The following PRDM10 variants were observed in gnomAD, a reference collection of about 807,000 sequenced individuals.
PRDM10 encodes the protein PR domain zinc finger protein 10.
PRDM10 carries 65 observed loss-of-function variants against 133.1 expected under a neutral mutation model. The observed-to-expected ratio is 0.49, with a 90% CI of 0.40 to 0.60. The LOEUF is 0.60. PRDM10 is among the 20% of genes least tolerant of loss of function. PRDM10 has a pLI of 0.00. For missense variants in PRDM10, 1,137 were observed against 1,507.1 expected (o/e 0.75, Z 4.07); for synonymous variants, 582 against 580.4 (o/e 1.00, Z -0.04).
At chr11:130,000,839 G>T (rs752635991) in intron 1 of PRDM10, among the ~76,000 whole-genome samples, 14 of 152,172 alleles carry the variant, frequency 9.2e-5, no homozygotes, top group Non-Finnish European at 1.9e-4. Context: ...GAGCGCGGGG[G>T]CCCATGCCTG....
rs1014579591 is a variant in PRDM10 at position 129,945,455 on chromosome 11, G to T, written c.521-443C>A. ...GGGGAGGAACCCTGACAATACTATT[G>T]AATCAATTTTCTCAAAGGGAGTTAC... On this transcript the variant is annotated intron_variant, in intron 5 of 20. Coordinates refer to ENST00000360871, the MANE Select transcript of PRDM10 (RefSeq NM_199437.2). This position sits in a 1 kb window ranked among gnomAD's most constrained non-coding sequence, Gnocchi z 4.2. Among the ~76,000 whole-genome samples, 1 of 152,142 alleles carries T rather than the reference G, an allele frequency of 6.6e-6. No homozygotes were observed. The highest frequency in any genetic ancestry group is 1.5e-5 in the Non-Finnish European group (1 of 68,034).
chr11:129,954,642 A>T (rs1161168750), intron 4 of PRDM10, among the ~76,000 whole-genome samples: 1 of 151,760 alleles, frequency 6.6e-6, no homozygotes, highest in Non-Finnish European at 1.5e-5. Context: ...TTACAGTCAC[A>T]CTACCTGACA....
intron 13 of PRDM10, among the ~76,000 whole-genome samples, chr11:129,920,070 T>C (rs1272335235): frequency 2.6e-5 from 4 of 152,186 alleles, no homozygotes; most frequent in Non-Finnish European, 4.4e-5. Flanking sequence ...ATTGCCACTT[T>C]TTTTCTTTTC....
chr11:129,965,298 G>T (rs1318158987), intron 1 of PRDM10, among the ~76,000 whole-genome samples: 1 of 151,978 alleles, frequency 6.6e-6, no homozygotes, highest in East Asian at 1.9e-4. Flanking sequence ...CCCTGTACAT[G>T]AATATCTTTG....
At chr11:129,978,145 G>A (rs1169955363) in intron 1 of PRDM10, among the ~76,000 whole-genome samples, 1 of 152,084 alleles carries the variant, frequency 6.6e-6, no homozygotes, top group Non-Finnish European at 1.5e-5. Flanking sequence ...GAGGTCTGAA[G>A]ATAAAGATAA....
chr11:129,944,639 C>T, intron 6 of PRDM10, 132 bp downstream of exon 6: 1 of 1,324,534 alleles, frequency 7.5e-7, no homozygotes, highest in Non-Finnish European at 1.0e-6. Context: ...TCCATTTAAC[C>T]AAGTTAAGAT....
chr11:129,968,845 C>T (rs570681685), intron 1 of PRDM10, among the ~76,000 whole-genome samples: 1 of 152,254 alleles, frequency 6.6e-6, no homozygotes, highest in African/African-American at 2.4e-5. Context: ...GCTGATGCAC[C>T]CATCGACACT....
chr11:129,929,768 A>G (rs1950795472), intron 11 of PRDM10, among the ~76,000 whole-genome samples: 1 of 152,036 alleles, frequency 6.6e-6, no homozygotes, highest in African/African-American at 2.4e-5. Context: ...AAAAAAAAAA[A>G]AAAATCTAGC....
chr11:129,957,421 C>T (rs1184826664), intron 3 of PRDM10, among the ~76,000 whole-genome samples: 1 of 152,136 alleles, frequency 6.6e-6, no homozygotes, highest in Non-Finnish European at 1.5e-5. Context: ...CAGGTTCAAG[C>T]AATTCTCTGC....
intron 1 of PRDM10, among the ~76,000 whole-genome samples, chr11:129,988,743 C>T (rs1938565828): frequency 6.6e-6 from 1 of 152,106 alleles, no homozygotes; most frequent in African/African-American, 2.4e-5. Context: ...CATTCTCCTG[C>T]CTCAGCCTCC....
chr11:129,906,342 G>T (rs759475404), intron 19 of PRDM10, among the ~76,000 whole-genome samples: 2 of 152,138 alleles, frequency 1.3e-5, no homozygotes, highest in African/African-American at 4.8e-5. Context: ...GGCTATCGAG[G>T]CATGTGAGAA....
At chr11:129,950,111 C>A (rs1373618471) in intron 4 of PRDM10, among the ~76,000 whole-genome samples, 3 of 151,974 alleles carry the variant, frequency 2.0e-5, no homozygotes, top group Admixed American at 2.0e-4. Context: ...GTGGCACGTG[C>A]CTGTGGTCCC....
At chr11:129,981,893 T>C (rs555163598) in intron 1 of PRDM10, among the ~76,000 whole-genome samples, 1 of 151,558 alleles carries the variant, frequency 6.6e-6, no homozygotes, top group African/African-American at 2.4e-5. Context: ...CTAAATTCCA[T>C]CTCAAAAAAA....
At position 129,900,044 on chromosome 11, in the gene PRDM10, A is replaced by C. The variant is rs1949802845; in HGVS notation, c.*2269T>G. On this transcript the variant is annotated 3_prime_UTR_variant, in exon 21 of 21. Coordinates refer to ENST00000360871, the MANE Select transcript of PRDM10 (RefSeq NM_199437.2). ...GGTACAAATCAATGATAAAAACAAA[A>C]TCTACATCCAACCTACTCCAAAATA... 6.6e-6 allele frequency: 1 copy of C among 152,648 alleles called. No individual in the cohort carries two copies. Among genetic ancestry groups the C allele is most frequent in the African/African-American group, 2.4e-5 (1 of 41,460 alleles). The allele number at this position is 152,648 out of a possible 1,614,324, so 9.5% of individuals were successfully genotyped here.
chr11:129,939,870 T>C (rs1951151890), intron 7 of PRDM10, among the ~76,000 whole-genome samples: 2 of 152,144 alleles, frequency 1.3e-5, no homozygotes, highest in South Asian at 2.1e-4. Flanking sequence ...CACAGATGAG[T>C]TCAATCAAAT....
intron 10 of PRDM10, among the ~76,000 whole-genome samples, chr11:129,931,763 T>C (rs1054808771): frequency 6.6e-6 from 1 of 151,548 alleles, no homozygotes; most frequent in African/African-American, 2.4e-5. Flanking sequence ...AGAGACGGGG[T>C]TTCACCGTGT....
At chr11:129,944,729 C>T (rs1432295588) in intron 6 of PRDM10, 42 bp downstream of exon 6, 3 of 1,607,318 alleles carry the variant, frequency 1.9e-6, no homozygotes, top group Non-Finnish European at 2.5e-6. Flanking sequence ...CCTTCAAACA[C>T]TGGTAAAGGA....
intron 13 of PRDM10, among the ~76,000 whole-genome samples, chr11:129,920,388 G>A (rs1950488867): frequency 1.3e-5 from 2 of 152,106 alleles, no homozygotes; most frequent in African/African-American, 2.4e-5. Flanking sequence ...CTCTCAAGCT[G>A]CAAATCTCCA....
intron 1 of PRDM10, among the ~76,000 whole-genome samples, chr11:129,979,070 T>C (rs1937957944): frequency 2.0e-5 from 3 of 152,168 alleles, no homozygotes; most frequent in Admixed American, 6.5e-5. Flanking sequence ...CAGTGCGAGT[T>C]CTAAAGAATG....
Sources: allele counts gnomAD v4.1 joint callset (sites outside exome capture counted in the v4.1 genomes callset), GRCh38; gene constraint gnomAD v4.1.1; non-coding constraint Gnocchi (gnomAD v3.1); transcripts MANE v1.5; gene names NCBI Gene and HGNC (gene_info 2026-07-23, HGNC 2026-07-21).